The following CYP19A1 variants were observed in gnomAD, a reference collection of about 807,000 sequenced individuals.
CYP19A1 encodes cytochrome P450 family 19 subfamily A member 1, also known as aromatase.
In CYP19A1, 32 loss-of-function variants were observed where a neutral mutation model predicts 44.4. That is an observed-to-expected ratio of 0.72 (90% confidence interval 0.54 to 0.97). The LOEUF (loss-of-function observed/expected upper bound fraction) is 0.97. Among genes scored for constraint, CYP19A1 ranks in the 50% least tolerant of loss-of-function variants. The pLI, the probability that CYP19A1 is intolerant of heterozygous loss-of-function variation, is 0.00. For missense variants in CYP19A1, 598 were observed against 637.8 expected, an observed-to-expected ratio of 0.94 and a Z score of 0.67; for synonymous variants, 212 against 215.6, an observed-to-expected ratio of 0.98 and a Z score of 0.14.
intron 1 of CYP19A1, among the ~76,000 whole-genome samples, chr15:51,294,689 GC>G (rs1347825186): frequency 4.4e-5 from 6 of 136,674 alleles, no homozygotes; most frequent in African/African-American, 1.8e-4. Flanking sequence ...TGGGGGGTCA[GC>G]CCCCCGCCCG....
At chr15:51,265,447 G>A (rs2034881492) in intron 1 of CYP19A1, among the ~76,000 whole-genome samples, 1 of 152,172 alleles carries the variant, frequency 6.6e-6, no homozygotes. Context: ...AAAGGGATGG[G>A]GACAGATAGA....
At chr15:51,301,954 A>G (rs1436737863) in intron 1 of CYP19A1, among the ~76,000 whole-genome samples, 1 of 152,232 alleles carries the variant, frequency 6.6e-6, no homozygotes, top group Non-Finnish European at 1.5e-5. Flanking sequence ...TAACCTCCAC[A>G]AAATGTAGAG....
chr15:51,211,191 C>T, intron 9 of CYP19A1, 135 bp from the exon 10 acceptor site: 1 of 699,730 alleles, frequency 1.4e-6, no homozygotes, highest in Non-Finnish European at 2.6e-6. Context: ...TCCATCCCCT[C>T]AGATGAACAA....
intron 1 of CYP19A1, among the ~76,000 whole-genome samples, chr15:51,297,814 C>T (rs9302160): frequency 0.2 from 18,786 of 95,026 alleles, 2,192 homozygotes; most frequent in African/African-American, 0.41. Context: ...TCACTGTAGG[C>T]ATGACACACA....
chr15:51,332,087 T>C (rs912297426), intron 1 of CYP19A1, among the ~76,000 whole-genome samples: 1 of 152,188 alleles, frequency 6.6e-6, no homozygotes, highest in Admixed American at 6.5e-5. Flanking sequence ...TTACTTAATA[T>C]TTATTACTTA....
At chr15:51,213,782 C>T (rs34444205) in intron 8 of CYP19A1, among the ~76,000 whole-genome samples, 12,125 of 152,228 alleles carry the variant, frequency 0.08, 541 homozygotes, top group Non-Finnish European at 0.099. Flanking sequence ...TGCCCTCCTT[C>T]GGTCTCTCTT....
intron 1 of CYP19A1, chr15:51,293,808 C>T (rs2035904806): frequency 5.7e-6 from 1 of 176,228 alleles, no homozygotes; most frequent in Non-Finnish European, 1.2e-5. Context: ...ATCCGCCAGC[C>T]TTGGCCTCAC....
Position 51,230,763 on chromosome 15 carries a change from C to A in CYP19A1, c.297-2830G>T, listed in dbSNP as rs1032125405. The stretch of plus-strand genomic sequence containing the variant: ...CCCCCTGAGTAGCTGGGATTACAGG[C>A]ACCCGCCACCACACCCGGCTAATTT... On this transcript the variant is annotated intron_variant, in intron 3 of 9. Transcript: ENST00000396402. Among the ~76,000 whole-genome samples, 8 of 151,938 alleles carry A rather than the reference C, an allele frequency of 5.3e-5. No individual in the cohort carries two copies. The East Asian group carries it at 5.8e-4, about 11-fold the overall frequency.
chr15:51,233,309 G>A (rs1236115485), intron 3 of CYP19A1, among the ~76,000 whole-genome samples: 1 of 152,132 alleles, frequency 6.6e-6, no homozygotes, highest in Non-Finnish European at 1.5e-5. Context: ...CCTGGGAAAG[G>A]CCCTGGTCCC....
At position 51,215,813 on chromosome 15, in the gene CYP19A1, C is replaced by T; in HGVS notation, c.748G>A (p.Asp250Asn). 6.2e-7 allele frequency: 1 copy of T among 1,613,684 alleles called. No homozygotes were observed. Among genetic ancestry groups the T allele is most frequent in the Non-Finnish European group, 8.5e-7 (1 of 1,179,932 alleles). Residue 250 changes from aspartate to asparagine, a missense_variant, in exon 7 of 10, where the codon GAT (aspartate) becomes AAT (asparagine). Transcript: ENST00000396402. ...AGAACTTCTATGGCATCTTTCAAAT[C>T]CTTGCTGGAAAAAAAGTCAAAATAT... ...LYKKYEKSVKDLKDAIEVLIA... is the reference protein window; with the variant it reads ...LYKKYEKSVKNLKDAIEVLIA...
chr15:51,212,249 A>C, intron 9 of CYP19A1, 71 bp downstream of exon 9: 1 of 1,078,766 alleles, frequency 9.3e-7, no homozygotes, highest in East Asian at 2.4e-5. Flanking sequence ...TGCAAACACA[A>C]AGAACCAGAG....
chr15:51,277,467 G>A (rs1246710561), intron 1 of CYP19A1: 1 of 152,152 alleles, frequency 6.6e-6, no homozygotes, highest in Non-Finnish European at 1.5e-5. Flanking sequence ...TTACGGCAAT[G>A]AAAGCAAATG....
intron 7 of CYP19A1, among the ~76,000 whole-genome samples, chr15:51,215,457 T>C (rs1465395325): frequency 6.6e-6 from 1 of 152,222 alleles, no homozygotes; most frequent in Non-Finnish European, 1.5e-5. Flanking sequence ...CCCCAACTTG[T>C]TTTCATATTT....
At chr15:51,224,286 T>A (rs1211973264) in intron 4 of CYP19A1, among the ~76,000 whole-genome samples, 6 of 152,184 alleles carry the variant, frequency 3.9e-5, no homozygotes, top group Non-Finnish European at 7.3e-5. Flanking sequence ...TGCCAAACTT[T>A]CCACTATATC....
At chr15:51,279,599 A>G (rs541541961) in intron 1 of CYP19A1, among the ~76,000 whole-genome samples, 14 of 152,356 alleles carry the variant, frequency 9.2e-5, no homozygotes, top group Admixed American at 8.5e-4. Context: ...AAACCAAGCT[A>G]TGAGTGAAAA....
intron 1 of CYP19A1, among the ~76,000 whole-genome samples, chr15:51,315,028 C>T (rs1410960133): frequency 6.6e-6 from 1 of 152,094 alleles, no homozygotes; most frequent in African/African-American, 2.4e-5. Flanking sequence ...ATCCTGCTTG[C>T]TTTCATCCAC....
chr15:51,214,428 G>A (rs1270170920), intron 8 of CYP19A1, among the ~76,000 whole-genome samples: 1 of 152,146 alleles, frequency 6.6e-6, no homozygotes, highest in African/African-American at 2.4e-5. Context: ...GAAGGGGCTA[G>A]CATCACTGGA....
intron 1 of CYP19A1, among the ~76,000 whole-genome samples, chr15:51,282,756 G>T (rs2035568583): frequency 6.6e-6 from 1 of 152,246 alleles, no homozygotes; most frequent in Non-Finnish European, 1.5e-5. Flanking sequence ...TGAAAGCAGG[G>T]GATGCATTGT....
chr15:51,269,699 C>T (rs1472457042), intron 1 of CYP19A1, among the ~76,000 whole-genome samples: 1 of 152,202 alleles, frequency 6.6e-6, no homozygotes, highest in Admixed American at 6.5e-5. Context: ...GTAGCCCATT[C>T]CAGCCAAGGC....
Sources: gnomAD v4.1 joint callset for allele counts (sites outside exome capture counted in the v4.1 genomes callset) on GRCh38, gnomAD v4.1.1 for gene constraint, MANE v1.5 for transcripts, NCBI Gene and HGNC (gene_info 2026-07-23, HGNC 2026-07-21) for gene names.